Variants in SLIT3 observed in about 807,000 individuals in gnomAD.
SLIT3 encodes slit homolog 3 protein.
SLIT3 carries 68 observed loss-of-function variants against 184.0 expected under a neutral mutation model. The ratio of observed to expected loss-of-function variants is 0.37; its 90% CI spans 0.30 to 0.45. The LOEUF is 0.45. Ranked by LOEUF, SLIT3 falls within the 20% of genes least tolerant of loss-of-function variation. The probability of loss-of-function intolerance (pLI) is 1.00; values close to 1 mark genes in which losing one functional copy is unlikely to be tolerated. For missense variants in SLIT3, 1,707 were observed against 2,026.0 expected (o/e 0.84, Z 3.02); for synonymous variants, 831 against 828.6 (o/e 1.00, Z -0.05).
chr5:168,932,085 T>A (rs139924553), intron 4 of SLIT3, among the ~76,000 whole-genome samples: 1 of 152,242 alleles, frequency 6.6e-6, no homozygotes, highest in East Asian at 1.9e-4. Flanking sequence ...GCTTTATCAC[T>A]AAGAACCACA....
In SLIT3 at chr5:169,183,039, C is replaced by T. The variant is rs7714433; in HGVS notation, c.413+10440G>A. 3.9e-5 allele frequency among the ~76,000 whole-genome samples: 6 copies of T among 152,156 alleles called. No homozygotes were observed. In the South Asian group the frequency reaches 1.2e-3, roughly 32 times the overall value. On this transcript the variant is annotated intron_variant, in intron 4 of 35. Coordinates refer to ENST00000519560, the MANE Select transcript of SLIT3 (RefSeq NM_003062.4). ...CCAGCCAAGGAAGTCTGAGAAAGAG[C>T]GAGGTGGCAAGAAGCCCACACTTAT...
chr5:169,027,339 C>T (rs1035793051), intron 4 of SLIT3, among the ~76,000 whole-genome samples: 1 of 152,168 alleles, frequency 6.6e-6, no homozygotes, highest in Non-Finnish European at 1.5e-5. Context: ...TATAATATTT[C>T]TTGATGCTCA....
chr5:168,992,387 G>A (rs553445040), intron 4 of SLIT3, among the ~76,000 whole-genome samples: 49 of 152,332 alleles, frequency 3.2e-4, no homozygotes, highest in African/African-American at 1.1e-3. Context: ...TATGATGACC[G>A]AATCCTGTAG....
At chr5:169,174,092 G>C (rs907795118) in intron 4 of SLIT3, among the ~76,000 whole-genome samples, 21 of 152,274 alleles carry the variant, frequency 1.4e-4, no homozygotes, top group African/African-American at 4.8e-4. Context: ...TCCATCACAA[G>C]GGCACACCTG....
chr5:168,984,536 C>A (rs1043264382), intron 4 of SLIT3, among the ~76,000 whole-genome samples: 1 of 152,142 alleles, frequency 6.6e-6, no homozygotes, highest in Non-Finnish European at 1.5e-5. Flanking sequence ...ATAAGACCAA[C>A]AACAGGGGAA....
intron 16 of SLIT3, among the ~76,000 whole-genome samples, chr5:168,758,610 T>C (rs1336754249): frequency 6.6e-6 from 1 of 152,194 alleles, no homozygotes; most frequent in Non-Finnish European, 1.5e-5. Flanking sequence ...TTCTCTCAGC[T>C]GGCCCCCCAA....
intron 8 of SLIT3, among the ~76,000 whole-genome samples, chr5:168,808,719 C>G (rs1378054569): frequency 6.6e-6 from 1 of 152,118 alleles, no homozygotes; most frequent in African/African-American, 2.4e-5. Context: ...TACCTAACAT[C>G]TTTACCTCCC....
chr5:168,808,218 C>G (rs1347589292), intron 8 of SLIT3, among the ~76,000 whole-genome samples: 1 of 152,032 alleles, frequency 6.6e-6, no homozygotes, highest in Non-Finnish European at 1.5e-5. Flanking sequence ...GGAACATTCT[C>G]CTAGAGAGAG....
At chr5:169,204,802 G>A (rs1764014903) in intron 3 of SLIT3, among the ~76,000 whole-genome samples, 1 of 152,160 alleles carries the variant, frequency 6.6e-6, no homozygotes, top group Non-Finnish European at 1.5e-5. Flanking sequence ...GAGGTATGAT[G>A]ACTGAGAAGG....
intron 20 of SLIT3, among the ~76,000 whole-genome samples, chr5:168,746,794 T>C (rs1423183305): frequency 4.2e-5 from 2 of 48,172 alleles, no homozygotes; most frequent in Admixed American, 3.1e-4. Context: ...AGTGTGGTGG[T>C]GTGGGTGTGG....
intron 8 of SLIT3, among the ~76,000 whole-genome samples, chr5:168,810,302 C>T (rs1451549683): frequency 3.3e-5 from 5 of 152,272 alleles, no homozygotes; most frequent in Admixed American, 1.3e-4. Context: ...ATGTGTGTTC[C>T]TCTTGTACAG....
At chr5:168,809,716 G>A (rs79505842) in intron 8 of SLIT3, among the ~76,000 whole-genome samples, 15 of 152,240 alleles carry the variant, frequency 9.9e-5, no homozygotes, top group South Asian at 4.1e-4. Context: ...TACAAAGCAC[G>A]GACCCATAAG....
At chr5:168,908,613 C>T (rs920034594) in intron 4 of SLIT3, among the ~76,000 whole-genome samples, 1 of 152,106 alleles carries the variant, frequency 6.6e-6, no homozygotes, top group African/African-American at 2.4e-5. Flanking sequence ...GCTTTTAAGA[C>T]AAGGGACTTT....
At chr5:169,286,636 C>T (rs970877861) in intron 1 of SLIT3, among the ~76,000 whole-genome samples, 13 of 152,162 alleles carry the variant, frequency 8.5e-5, no homozygotes, top group East Asian at 3.8e-4. Flanking sequence ...ACGGCCAGGT[C>T]GCCAAATTCC....
chr5:168,930,313 G>T (rs552663916), intron 4 of SLIT3, among the ~76,000 whole-genome samples: 2 of 152,260 alleles, frequency 1.3e-5, no homozygotes, highest in East Asian at 3.9e-4. Context: ...GTAAACCCTT[G>T]TTAATTTTCT....
intron 10 of SLIT3, chr5:168,789,903 G>A (rs1561934225): frequency 2.0e-5 from 8 of 400,206 alleles, no homozygotes; most frequent in Admixed American, 8.3e-5. Flanking sequence ...CTGTGAACAC[G>A]TGAACCATCA....
At chr5:169,045,645 A>G (rs1757599413) in intron 4 of SLIT3, among the ~76,000 whole-genome samples, 1 of 152,182 alleles carries the variant, frequency 6.6e-6, no homozygotes, top group Non-Finnish European at 1.5e-5. Context: ...CATCATTATC[A>G]CATTTTAAAT....
At chr5:169,172,000 G>A (rs1762836324) in intron 4 of SLIT3, among the ~76,000 whole-genome samples, 1 of 152,200 alleles carries the variant, frequency 6.6e-6, no homozygotes, top group Non-Finnish European at 1.5e-5. Context: ...TAGGCATGGA[G>A]GGGAAATGCC....
At chr5:169,112,761 A>T (rs970097091) in intron 4 of SLIT3, among the ~76,000 whole-genome samples, 3 of 150,482 alleles carry the variant, frequency 2.0e-5, no homozygotes, top group African/African-American at 7.3e-5. Flanking sequence ...ATCAGAGGGC[A>T]AGAGGACAGA....
Sources: allele counts gnomAD v4.1 joint callset (sites outside exome capture counted in the v4.1 genomes callset), GRCh38; gene constraint gnomAD v4.1.1; transcripts MANE v1.5; gene names NCBI Gene and HGNC (gene_info 2026-07-23, HGNC 2026-07-21).